Variants in CST7 observed in about 807,000 individuals in gnomAD.
The protein encoded by CST7 is cystatin-F.
In CST7, 15 loss-of-function variants were observed where a neutral mutation model predicts 13.1. The observed-to-expected ratio is 1.14, with a 90% confidence interval of 0.77 to 1.76. The LOEUF is 1.76. Ranked by LOEUF, CST7 falls within the 40% of genes most tolerant of loss-of-function variation. The pLI, the probability that CST7 is intolerant of heterozygous loss-of-function variation, is 0.00. For synonymous variants in CST7, 75 were observed against 66.9 expected, an observed-to-expected ratio of 1.12 and a Z score of -0.59; for missense variants, 193 against 178.8, an observed-to-expected ratio of 1.08 and a Z score of -0.45.
chr20:24,959,324 A>C (rs2087880517), intron 3 of CST7, among the ~76,000 whole-genome samples: 1 of 150,552 alleles, frequency 6.6e-6, no homozygotes, highest in African/African-American at 2.4e-5. Context: ...TAGAGTAAGA[A>C]AAGCTTTCAA....
Position 24,959,894 on chromosome 20 carries a change from C to T in CST7, c.*182C>T. The T allele has an allele frequency of 1.7e-6, 1 of 597,014 alleles. No homozygotes were observed. Among genetic ancestry groups the T allele is most frequent in the Non-Finnish European group, 3.0e-6 (1 of 331,896 alleles). The allele number at this position is 597,014 out of a possible 1,614,324, so 37.0% of individuals were successfully genotyped here. Reference sequence around the variant, plus strand: ...ATGGCAGCATGGTAGCACCTCCTAACAGATTAAATAGATCACATTTGCTTC... The same window carrying T: ...ATGGCAGCATGGTAGCACCTCCTAATAGATTAAATAGATCACATTTGCTTC... On this transcript the variant is annotated 3_prime_UTR_variant, in exon 4 of 4. Coordinates refer to ENST00000480798, the MANE Select transcript of CST7 (RefSeq NM_003650.4).
chr20:24,959,396 T>C (rs1390839874), intron 3 of CST7, among the ~76,000 whole-genome samples: 3 of 152,152 alleles, frequency 2.0e-5, no homozygotes, highest in Admixed American at 1.3e-4. Flanking sequence ...ATGTATATCA[T>C]ATATAGCATA....
At chr20:24,959,321 A>C (rs1388205108) in intron 3 of CST7, among the ~76,000 whole-genome samples, 2 of 152,060 alleles carry the variant, frequency 1.3e-5, no homozygotes, top group Non-Finnish European at 2.9e-5. Flanking sequence ...GGTTAGAGTA[A>C]GAAAAGCTTT....
chr20:24,953,791 C>A (rs1019389497), intron 1 of CST7, among the ~76,000 whole-genome samples: 5 of 152,212 alleles, frequency 3.3e-5, no homozygotes, highest in African/African-American at 1.2e-4. Context: ...CAGGCCTGGC[C>A]TGCCCCAGGC....
rs754683459 is a variant in CST7, at chr20:24,959,629, T to C, written c.361-6T>C. 1 of 1,614,086 alleles carries C rather than the reference T, an allele frequency of 6.2e-7. No homozygotes were observed. The highest frequency in any genetic ancestry group is 1.1e-5 in the South Asian group (1 of 91,082). ...AAGCTCTCAGGTGTGCCCTTCTCTG[T>C]TTCAGACTCTGAGCTGCTACTCTGA... On this transcript the variant is annotated splice_polypyrimidine_tract_variant and splice_region_variant and intron_variant, in intron 3 of 3. Transcript: ENST00000480798.
Position 24,959,690 on chromosome 20 carries a change from T to A in CST7, c.416T>A (p.Val139Glu). Residue 139 changes from valine to glutamate, a missense_variant, in exon 4 of 4, where the codon GTG becomes GAG. Physicochemically the swap from Val to Glu is moderately radical, Grantham distance 121 (BLOSUM62 -2). Transcript: ENST00000480798. Reference protein sequence around the residue: ...WVVPWLQHFEVPVLRCH With the variant: ...WVVPWLQHFEEPVLRCH The stretch of plus-strand genomic sequence containing the variant: ...GTGCCCTGGCTCCAGCACTTCGAGG[T>A]GCCTGTTCTCCGTTGTCACTGACCC... 6.2e-7 allele frequency: 1 copy of A among 1,614,068 alleles called. No homozygotes were observed. Among genetic ancestry groups the A allele is most frequent in the Non-Finnish European group, 8.5e-7 (1 of 1,180,016 alleles).
chr20:24,954,214 C>T (rs900922781), intron 1 of CST7, among the ~76,000 whole-genome samples: 1 of 152,148 alleles, frequency 6.6e-6, no homozygotes, highest in African/African-American at 2.4e-5. Flanking sequence ...TGGGTTTAGC[C>T]CCCCACCCTG....
chr20:24,954,287 A>G lies in CST7; in HGVS notation c.71-3000A>G, dbSNP rs11908109. 6.9e-3 allele frequency among the ~76,000 whole-genome samples: 1,056 copies of G among 152,322 alleles called. 19 individuals are homozygous for G. The highest frequency in any genetic ancestry group is 0.025 in the African/African-American group (1,026 of 41,556). ...CACACATGAGAAGAAACAGCATCGCAGGGCCCTCCAGACAGAGCAGGCAGA... is the reference window on the plus strand; with the variant it reads ...CACACATGAGAAGAAACAGCATCGCGGGGCCCTCCAGACAGAGCAGGCAGA... On this transcript the variant is annotated intron_variant, in intron 1 of 3. Transcript: ENST00000480798.
intron 1 of CST7, among the ~76,000 whole-genome samples, chr20:24,951,175 G>C (rs1681972438): frequency 6.6e-6 from 1 of 152,196 alleles, no homozygotes; most frequent in Non-Finnish European, 1.5e-5. Context: ...CCAAACCCCA[G>C]AGAGAAGCTC....
In CST7 at chr20:24,951,801, C is replaced by T. The variant is rs140476657; in HGVS notation, c.70+2226C>T. 6.8e-3 allele frequency among the ~76,000 whole-genome samples: 1,033 copies of T among 152,334 alleles called. 11 individuals carry two copies. The highest frequency in any genetic ancestry group is 0.024 in the African/African-American group (986 of 41,562). On this transcript the variant is annotated intron_variant, in intron 1 of 3. Coordinates refer to ENST00000480798, the MANE Select transcript of CST7 (RefSeq NM_003650.4). ...AGAACCTAGGAAATTGCCACACTGGCTTCCGCCACCCTTTTGAAAAGGGCT... is the reference window on the plus strand; with the variant it reads ...AGAACCTAGGAAATTGCCACACTGGTTTCCGCCACCCTTTTGAAAAGGGCT...
intron 1 of CST7, among the ~76,000 whole-genome samples, chr20:24,953,857 C>T (rs1028198967): frequency 1.3e-5 from 2 of 152,260 alleles, no homozygotes; most frequent in East Asian, 1.9e-4. Flanking sequence ...ACAAGCCTGA[C>T]GGTCCGTGGG....
chr20:24,949,459 T>C lies in CST7; in HGVS notation c.-47T>C, dbSNP rs1355460745. 3 of 1,613,674 alleles carry C rather than the reference T, an allele frequency of 1.9e-6. No individual in the cohort carries two copies. The highest frequency in any genetic ancestry group is 3.3e-5 in the Admixed American group (2 of 59,960). ...TGCCCCATGCTGCCTGAGAAGGCAC[T>C]GCACGGCCACCCCCAACTGCCCCGC... On this transcript the variant is annotated 5_prime_UTR_variant, in exon 1 of 4. Coordinates refer to ENST00000480798, the MANE Select transcript of CST7 (RefSeq NM_003650.4).
intron 1 of CST7, among the ~76,000 whole-genome samples, chr20:24,956,109 A>G (rs1217096419): frequency 2.0e-5 from 3 of 152,136 alleles, no homozygotes; most frequent in East Asian, 1.9e-4. Context: ...TTCCAGTCCC[A>G]TGCTTCTCTG....
At chr20:24,955,580 C>G (rs4815350) in intron 1 of CST7, among the ~76,000 whole-genome samples, 111,852 of 151,800 alleles carry the variant, frequency 0.74, 41,530 homozygotes, top group East Asian at 0.99. Flanking sequence ...CTCCCGAGTA[C>G]CTGGGACTAC....
At chr20:24,959,444 C>T (rs1484027077) in intron 3 of CST7, among the ~76,000 whole-genome samples, 191 bp from the exon 4 acceptor site, 1 of 152,166 alleles carries the variant, frequency 6.6e-6, no homozygotes, top group Non-Finnish European at 1.5e-5. Context: ...AACACAGCAA[C>T]ATTTAGCAAT....
rs2087805048 is a variant in CST7, at chr20:24,949,414, C to A, written c.-92C>A. 6.2e-7 allele frequency: 1 copy of A among 1,608,356 alleles called. No individual in the cohort carries two copies. The highest frequency in any genetic ancestry group is 8.5e-7 in the Non-Finnish European group (1 of 1,176,898). ...TCTACCCAAGAAGGCTCGGCACGGG[C>A]ACCAACCACTGCCTCCAACTGCCCC... On this transcript the variant is annotated 5_prime_UTR_variant, in exon 1 of 4. Coordinates refer to ENST00000480798, the MANE Select transcript of CST7 (RefSeq NM_003650.4).
At chr20:24,949,708 G>A (rs1003845787) in intron 1 of CST7, 133 bp downstream of exon 1, 1 of 1,223,012 alleles carries the variant, frequency 8.2e-7, no homozygotes. Context: ...AGAGGTGCTG[G>A]GAGTGGTGAG....
intron 2 of CST7, among the ~76,000 whole-genome samples, chr20:24,957,791 G>A (rs984423686): frequency 3.3e-5 from 5 of 152,160 alleles, no homozygotes; most frequent in Admixed American, 1.3e-4. Context: ...GGAGAAAGCC[G>A]CTGTCCGAGG....
rs557840909 is a variant in CST7 at position 24,949,364 on chromosome 20, C to G, written c.-142C>G. The G allele has an allele frequency of 1.6e-5, 25 of 1,566,554 alleles. No individual in the cohort carries two copies. The highest frequency in any genetic ancestry group is 2.1e-5 in the Non-Finnish European group (24 of 1,154,850). On this transcript the variant is annotated 5_prime_UTR_variant, in exon 1 of 4. Transcript: ENST00000480798. ...GAGAAGGATTGGCACGGGCACAGAC[C>G]ACTGCCCCCACCTGCCCTGCGCCAT...
Sources: allele counts gnomAD v4.1 joint callset (sites outside exome capture counted in the v4.1 genomes callset), GRCh38; gene constraint gnomAD v4.1.1; transcripts MANE v1.5; gene names NCBI Gene and HGNC (gene_info 2026-07-23, HGNC 2026-07-21).